The following CDH7 variants were observed in gnomAD, a reference collection of about 807,000 sequenced individuals.
CDH7 encodes the protein cadherin-7.
In CDH7, 25 loss-of-function variants were observed where a neutral mutation model predicts 71.8. That is an observed-to-expected ratio of 0.35 (90% CI 0.25 to 0.49). The LOEUF is 0.49. CDH7 is among the 20% of genes least tolerant of loss of function. CDH7 has a pLI of 0.99. For synonymous variants in CDH7, 381 were observed against 363.8 expected (o/e 1.05, Z -0.54); for missense variants, 862 against 974.6 (o/e 0.88, Z 1.54).
intron 2 of CDH7, among the ~76,000 whole-genome samples, chr18:65,765,874 A>G (rs1485245539): frequency 6.6e-6 from 1 of 152,156 alleles, no homozygotes; most frequent in African/African-American, 2.4e-5. Flanking sequence ...AATCTATAAA[A>G]TAGAAAAATG....
intron 4 of CDH7, among the ~76,000 whole-genome samples, chr18:65,820,524 A>G (rs1444394882): frequency 6.6e-6 from 1 of 152,166 alleles, no homozygotes; most frequent in Admixed American, 6.5e-5. Context: ...AAAGTGAGCA[A>G]ATGCCATACA....
intron 2 of CDH7, among the ~76,000 whole-genome samples, chr18:65,789,237 T>G (rs905391273): frequency 7.2e-5 from 11 of 152,156 alleles, no homozygotes; most frequent in African/African-American, 2.7e-4. Flanking sequence ...GGAGGTAATA[T>G]TTCAGCTGAG....
At chr18:65,756,449 T>C (rs1230682835) in intron 1 of CDH7, among the ~76,000 whole-genome samples, 1 of 152,240 alleles carries the variant, frequency 6.6e-6, no homozygotes. Context: ...TCTTGGACTA[T>C]CATTCTCCAT....
intron 2 of CDH7, among the ~76,000 whole-genome samples, chr18:65,785,595 GA>G (rs35149139): frequency 6.7e-6 from 1 of 148,546 alleles, no homozygotes; most frequent in East Asian, 1.9e-4. Context: ...TAAAATCTTT[GA>G]AAAAAAAGAA....
At chr18:65,811,748 C>T (rs1911544539) in intron 3 of CDH7, among the ~76,000 whole-genome samples, 1 of 152,088 alleles carries the variant, frequency 6.6e-6, no homozygotes. Context: ...TCTTCATTGG[C>T]TTGCTAAGGT....
chr18:65,873,022 A>T (rs1282840535), intron 11 of CDH7, among the ~76,000 whole-genome samples: 1 of 152,138 alleles, frequency 6.6e-6, no homozygotes, highest in African/African-American at 2.4e-5. Flanking sequence ...CAGTAGAAAA[A>T]GAAGACAGAT....
intron 2 of CDH7, among the ~76,000 whole-genome samples, chr18:65,783,994 C>T (rs1910414347): frequency 6.6e-6 from 1 of 151,946 alleles, no homozygotes; most frequent in Admixed American, 6.6e-5. Flanking sequence ...AGGCTCTGTG[C>T]AGGCTGGAGT....
In CDH7 at chr18:65,859,839, A is replaced by G. The variant is rs765285677; in HGVS notation, c.1612+14A>G. On this transcript the variant is annotated intron_variant, in intron 10 of 11. Transcript: ENST00000397968. ...AAGATAACAAAGGTAATGTATTAAT[A>G]TTGTTACCGATAGAGGCAGCAGGTA... 1 of 1,383,338 alleles carries G rather than the reference A, an allele frequency of 7.2e-7. No homozygotes were observed. The highest frequency in any genetic ancestry group is 1.0e-6 in the Non-Finnish European group (1 of 970,338). The allele number at this position is 1,383,338 out of a possible 1,614,324, so 85.7% of individuals were successfully genotyped here.
chr18:65,836,772 T>C (rs2143971949), intron 6 of CDH7, among the ~76,000 whole-genome samples: 1 of 152,308 alleles, frequency 6.6e-6, no homozygotes, highest in Middle Eastern at 3.4e-3. Context: ...TAAATTTGCT[T>C]ACACTTATTT....
intron 6 of CDH7, among the ~76,000 whole-genome samples, chr18:65,834,689 A>G (rs1266746517): frequency 6.6e-6 from 1 of 152,234 alleles, no homozygotes; most frequent in Non-Finnish European, 1.5e-5. Context: ...ATGATGGGAC[A>G]TAACAGATAA....
intron 4 of CDH7, among the ~76,000 whole-genome samples, chr18:65,819,829 C>T (rs1207679965): frequency 1.3e-5 from 2 of 151,180 alleles, no homozygotes; most frequent in African/African-American, 4.9e-5. Flanking sequence ...GCCCTCACAG[C>T]GTGAATCTCC....
At chr18:65,864,914 A>AG in intron 11 of CDH7, among the ~76,000 whole-genome samples, 1 of 141,686 alleles carries the variant, frequency 7.1e-6, no homozygotes, top group Non-Finnish European at 1.5e-5. Context: ...AAAAAAAAAA[A>AG]TCCATTCATG....
At chr18:65,855,358 A>G (rs564050637) in intron 7 of CDH7, among the ~76,000 whole-genome samples, 106 of 151,868 alleles carry the variant, frequency 7.0e-4, no homozygotes, top group African/African-American at 2.3e-3. Context: ...AAAGGAAAAA[A>G]AAAAGCAGAA....
chr18:65,863,352 C>T (rs969397112), intron 11 of CDH7: 1 of 175,470 alleles, frequency 5.7e-6, no homozygotes, highest in Admixed American at 5.4e-5. Flanking sequence ...TGGTGTTTTG[C>T]TCACTAAGTA....
intron 10 of CDH7, among the ~76,000 whole-genome samples, chr18:65,860,659 T>A (rs879340067): frequency 1.8e-4 from 27 of 152,120 alleles, no homozygotes; most frequent in Non-Finnish European, 3.5e-4. Flanking sequence ...TATCTATTTT[T>A]AAAAATTTAT....
chr18:65,875,968 A>C (rs1465436559), intron 11 of CDH7, among the ~76,000 whole-genome samples: 3 of 152,208 alleles, frequency 2.0e-5, no homozygotes, highest in Non-Finnish European at 4.4e-5. Context: ...TCAGTTCAAA[A>C]GAGTGTAAAG....
At chr18:65,764,540 G>A (rs1020087184) in intron 2 of CDH7, among the ~76,000 whole-genome samples, 3 of 151,962 alleles carry the variant, frequency 2.0e-5, no homozygotes, top group African/African-American at 7.2e-5. Context: ...ATTGAGAGGA[G>A]TAACCGTAAT....
chr18:65,836,866 T>C (rs1054834085), intron 6 of CDH7, among the ~76,000 whole-genome samples: 1 of 152,134 alleles, frequency 6.6e-6, no homozygotes, highest in Non-Finnish European at 1.5e-5. Flanking sequence ...AAAATAATCA[T>C]ATCTATTGCA....
At chr18:65,849,381 T>C (rs930512373) in intron 7 of CDH7, among the ~76,000 whole-genome samples, 1 of 121,176 alleles carries the variant, frequency 8.3e-6, no homozygotes, top group African/African-American at 3.6e-5. Flanking sequence ...TTTCTTTTCT[T>C]TTCTTTTCTT....
Sources: allele counts gnomAD v4.1 joint callset (sites outside exome capture counted in the v4.1 genomes callset), GRCh38; gene constraint gnomAD v4.1.1; transcripts MANE v1.5; gene names NCBI Gene and HGNC (gene_info 2026-07-23, HGNC 2026-07-21).